Variants in NLGN4X observed in about 807,000 individuals in gnomAD.
The protein encoded by NLGN4X is neuroligin 4 X-linked.
NLGN4X carries 3 observed loss-of-function variants against 40.3 expected under a neutral mutation model. That is an observed-to-expected ratio of 0.07 (90% CI 0.03 to 0.19). The LOEUF (loss-of-function observed/expected upper bound fraction) is 0.19. Ranked by LOEUF, NLGN4X falls within the 10% of genes least tolerant of loss-of-function variation. The pLI is 1.00. For missense variants in NLGN4X, 382 were observed against 708.3 expected (o/e 0.54, Z 5.23); for synonymous variants, 270 against 306.8 (o/e 0.88, Z 1.25).
At chrX:5,911,396 C>T (rs1440179646) in intron 3 of NLGN4X, among the ~76,000 whole-genome samples, 1 of 111,862 alleles carries the variant, frequency 8.9e-6, no homozygotes, top group East Asian at 2.8e-4. Flanking sequence ...TTTAACCTTT[C>T]CAAAAGCAGG....
intron 1 of NLGN4X, among the ~76,000 whole-genome samples, chrX:6,169,869 G>C (rs1415164998): frequency 1.8e-5 from 2 of 111,827 alleles, no homozygotes; most frequent in Non-Finnish European, 3.8e-5. Flanking sequence ...TCATTTTCAA[G>C]CAATTAAAGC....
intron 3 of NLGN4X, among the ~76,000 whole-genome samples, chrX:5,961,089 G>A (rs888236447): frequency 9.0e-6 from 1 of 110,664 alleles, no homozygotes; most frequent in Non-Finnish European, 1.9e-5. Context: ...GTGCAGTGGC[G>A]CGATCTCGGC....
intron 3 of NLGN4X, among the ~76,000 whole-genome samples, chrX:6,011,795 C>T (rs1395279222): frequency 2.7e-5 from 3 of 111,044 alleles, no homozygotes; most frequent in Non-Finnish European, 3.8e-5. Flanking sequence ...GGATGTTACA[C>T]GATCTCTTCA....
intron 2 of NLGN4X, among the ~76,000 whole-genome samples, chrX:6,143,096 T>A (rs1243587743): frequency 2.7e-5 from 3 of 112,217 alleles, no homozygotes; most frequent in Non-Finnish European, 3.8e-5. Flanking sequence ...CGGGTTCCCT[T>A]TTCTGTTATT....
At chrX:5,986,541 T>C (rs1375098436) in intron 3 of NLGN4X, among the ~76,000 whole-genome samples, 1 of 112,164 alleles carries the variant, frequency 8.9e-6, no homozygotes, top group Admixed American at 9.5e-5. Context: ...AGCACTAATC[T>C]GAAAGAAAAT....
chrX:5,931,626 G>A (rs867971684), intron 3 of NLGN4X, among the ~76,000 whole-genome samples: 2 of 111,554 alleles, frequency 1.8e-5, no homozygotes, highest in Admixed American at 1.9e-4. Context: ...CATACACAAC[G>A]TGGGAAAAAT....
At chrX:6,016,843 T>G (rs2036408429) in intron 3 of NLGN4X, among the ~76,000 whole-genome samples, 1 of 111,312 alleles carries the variant, frequency 9.0e-6, no homozygotes, top group Non-Finnish European at 1.9e-5. Context: ...TCAAAAACAT[T>G]AAGGGAATGA....
intron 3 of NLGN4X, among the ~76,000 whole-genome samples, chrX:5,921,009 G>A (rs1299823674): frequency 1.8e-5 from 2 of 109,776 alleles, no homozygotes; most frequent in Non-Finnish European, 3.8e-5. Flanking sequence ...AACGCTAATA[G>A]CATGTTGTGT....
At chrX:6,131,733 T>C (rs1453155193) in intron 2 of NLGN4X, among the ~76,000 whole-genome samples, 1 of 112,461 alleles carries the variant, frequency 8.9e-6, no homozygotes, top group East Asian at 2.8e-4. Context: ...CTGTGCATTG[T>C]AGGACTTGTC....
intron 3 of NLGN4X, among the ~76,000 whole-genome samples, chrX:6,010,178 C>T (rs749048208): frequency 9.0e-6 from 1 of 111,277 alleles, no homozygotes; most frequent in Non-Finnish European, 1.9e-5. Context: ...TGAGTGACTA[C>T]AAAACTTGCA....
intron 3 of NLGN4X, among the ~76,000 whole-genome samples, chrX:5,935,572 A>G (rs1483907730): frequency 8.9e-6 from 1 of 112,140 alleles, no homozygotes; most frequent in Admixed American, 9.5e-5. Flanking sequence ...TGCACATAAA[A>G]TATGGTCCAG....
chrX:5,916,046 A>G (rs2146794171), intron 3 of NLGN4X, among the ~76,000 whole-genome samples: 1 of 111,653 alleles, frequency 9.0e-6, no homozygotes, highest in East Asian at 2.8e-4. Context: ...ACGTCCTTTT[A>G]GCTTCCTCTG....
At chrX:6,081,874 C>A (rs1229658537) in intron 2 of NLGN4X, among the ~76,000 whole-genome samples, 2 of 112,018 alleles carry the variant, frequency 1.8e-5, no homozygotes, top group African/African-American at 6.5e-5. Flanking sequence ...AGTCTGGAGG[C>A]GGTGCTGCCA....
At chrX:5,920,961 A>G (rs778395238) in intron 3 of NLGN4X, among the ~76,000 whole-genome samples, 7 of 110,389 alleles carry the variant, frequency 6.3e-5, no homozygotes, top group Non-Finnish European at 7.6e-5. Flanking sequence ...TATCTTGTGC[A>G]AGAAGACAAC....
rs1160769080 is a variant in NLGN4X at position 5,922,468 on chromosome X, C to G, written c.626-13229G>C. ...TCAGTATGCACCCCGTAAATATGTACAATTATTACTTGTCAATTAAAACTA... is the reference window on the plus strand; with the variant it reads ...TCAGTATGCACCCCGTAAATATGTAGAATTATTACTTGTCAATTAAAACTA... On this transcript the variant is annotated intron_variant, in intron 3 of 5. Coordinates refer to ENST00000381095, the MANE Select transcript of NLGN4X (RefSeq NM_181332.3). 6.3e-5 allele frequency among the ~76,000 whole-genome samples: 7 copies of G among 111,781 alleles called. No homozygotes were observed. The Admixed American group carries it at 6.7e-4, about 11-fold the overall frequency.
chrX:5,972,610 A>G (rs1490667084), intron 3 of NLGN4X, among the ~76,000 whole-genome samples: 1 of 111,815 alleles, frequency 8.9e-6, no homozygotes, highest in Non-Finnish European at 1.9e-5. Context: ...ACAAAATGAA[A>G]AAGATTCATA....
At chrX:6,107,745 C>T (rs1189547065) in intron 2 of NLGN4X, among the ~76,000 whole-genome samples, 1 of 111,606 alleles carries the variant, frequency 9.0e-6, no homozygotes, top group African/African-American at 3.3e-5. Context: ...TTGTTTCCAT[C>T]TTTATATCCA....
At chrX:6,206,186 A>T (rs1474792275) in intron 1 of NLGN4X, among the ~76,000 whole-genome samples, 1 of 111,301 alleles carries the variant, frequency 9.0e-6, no homozygotes, top group East Asian at 2.8e-4. Flanking sequence ...TAAAATCCTC[A>T]TGACGATGTG....
chrX:5,959,694 T>C (rs186921672), intron 3 of NLGN4X, among the ~76,000 whole-genome samples: 21 of 112,149 alleles, frequency 1.9e-4, no homozygotes, highest in Admixed American at 3.8e-4. Context: ...ATACATACCG[T>C]GCATTTGACA....
Sources: gnomAD v4.1 joint callset for allele counts (sites outside exome capture counted in the v4.1 genomes callset) on GRCh38, gnomAD v4.1.1 for gene constraint, MANE v1.5 for transcripts, NCBI Gene and HGNC (gene_info 2026-07-23, HGNC 2026-07-21) for gene names.